The following SPIN1 variants were observed in gnomAD, a reference collection of about 807,000 sequenced individuals.
SPIN1 encodes the protein spindlin-1.
In SPIN1, 3 loss-of-function variants were observed where a neutral mutation model predicts 26.0. The ratio of observed to expected loss-of-function variants is 0.12; its 90% CI spans 0.05 to 0.30. The LOEUF is 0.30. SPIN1 is among the 10% of genes least tolerant of loss of function. The pLI, the probability that SPIN1 is intolerant of heterozygous loss-of-function variation, is 1.00. For missense variants in SPIN1, 126 were observed against 333.4 expected, an observed-to-expected ratio of 0.38 and a Z score of 4.84; for synonymous variants, 101 against 116.5, an observed-to-expected ratio of 0.87 and a Z score of 0.86.
chr9:88,410,810 C>T (rs1418861415), intron 1 of SPIN1: 13 of 954,216 alleles, frequency 1.4e-5, no homozygotes, highest in Admixed American at 5.1e-5. Context: ...CTGAAGTTTC[C>T]TCCACTACCA....
intron 3 of SPIN1, among the ~76,000 whole-genome samples, chr9:88,455,904 G>A (rs1434902883): frequency 2.0e-5 from 3 of 152,154 alleles, no homozygotes; most frequent in Admixed American, 1.3e-4. Flanking sequence ...GATTGCTTGA[G>A]CCCAGGAGTT....
At chr9:88,449,174 C>T (rs1828310022) in intron 3 of SPIN1, among the ~76,000 whole-genome samples, 185 bp downstream of exon 3, 1 of 151,836 alleles carries the variant, frequency 6.6e-6, no homozygotes, top group African/African-American at 2.4e-5. Context: ...CTTGGCCTGG[C>T]TGCAGTGTGC....
At chr9:88,398,149 G>T (rs563924158) in intron 1 of SPIN1, among the ~76,000 whole-genome samples, 1 of 151,204 alleles carries the variant, frequency 6.6e-6, no homozygotes, top group Admixed American at 6.6e-5. Flanking sequence ...CTGGTCTCGA[G>T]CTCCTGAACT....
chr9:88,426,426 C>A lies in SPIN1; in HGVS notation c.-114C>A. 1 of 753,908 alleles carries A rather than the reference C, an allele frequency of 1.3e-6. No homozygotes were observed. Among genetic ancestry groups the A allele is most frequent in the African/African-American group, 1.8e-5 (1 of 56,594 alleles). The allele number at this position is 753,908 out of a possible 1,614,324, so 46.7% of individuals were successfully genotyped here. A position where few individuals can be genotyped will look rare whatever the true frequency, so the allele number is the denominator to read the frequency against. The stretch of plus-strand genomic sequence containing the variant: ...ATTTTTGCTGAACTCGTAAAAGAGA[C>A]ACTTGGATGGTGGATTAACCAGAAC... On this transcript the variant is annotated 5_prime_UTR_variant, in exon 2 of 6. Transcript: ENST00000375859.
At chr9:88,440,358 C>T (rs1303131269) in intron 2 of SPIN1, among the ~76,000 whole-genome samples, 1 of 151,844 alleles carries the variant, frequency 6.6e-6, no homozygotes, top group Non-Finnish European at 1.5e-5. Context: ...AGAGTTTCAC[C>T]ATGTTACAAA....
intron 1 of SPIN1, among the ~76,000 whole-genome samples, chr9:88,389,655 T>G (rs1445724595): frequency 6.6e-6 from 1 of 151,290 alleles, no homozygotes; most frequent in East Asian, 1.9e-4. Context: ...AGGATTTCAC[T>G]CTACATGACT....
chr9:88,421,499 T>C (rs1484939016), intron 1 of SPIN1, among the ~76,000 whole-genome samples: 1 of 152,072 alleles, frequency 6.6e-6, no homozygotes, highest in Admixed American at 6.6e-5. Context: ...GATTGATCAC[T>C]TGAACTCCTG....
chr9:88,394,258 C>A (rs1459538919), intron 1 of SPIN1, among the ~76,000 whole-genome samples: 3 of 152,192 alleles, frequency 2.0e-5, no homozygotes, highest in East Asian at 1.9e-4. Context: ...GACACGTAAT[C>A]TCTGAAGCTT....
intron 3 of SPIN1, among the ~76,000 whole-genome samples, chr9:88,453,778 G>T (rs1828411131): frequency 6.6e-6 from 1 of 152,148 alleles, no homozygotes; most frequent in Non-Finnish European, 1.5e-5. Context: ...CATCCGCCTT[G>T]GCCTCTCAAA....
At chr9:88,443,569 G>A (rs1419115089) in intron 2 of SPIN1, among the ~76,000 whole-genome samples, 1 of 152,158 alleles carries the variant, frequency 6.6e-6, no homozygotes, top group Non-Finnish European at 1.5e-5. Context: ...GTTGAGTCTG[G>A]TTCTGATGCT....
At chr9:88,452,088 G>T (rs1475762757) in intron 3 of SPIN1, among the ~76,000 whole-genome samples, 2 of 152,264 alleles carry the variant, frequency 1.3e-5, no homozygotes, top group East Asian at 1.9e-4. Context: ...CTAAATAGAG[G>T]TATTTCCAGG....
At chr9:88,454,604 T>C (rs997742262) in intron 3 of SPIN1, among the ~76,000 whole-genome samples, 3 of 152,242 alleles carry the variant, frequency 2.0e-5, no homozygotes, top group Non-Finnish European at 4.4e-5. Context: ...ATTTTAAATA[T>C]ACATAAAAAT....
intron 1 of SPIN1, 41 bp from the exon 2 acceptor site, chr9:88,426,341 C>T: frequency 2.3e-6 from 1 of 437,102 alleles, no homozygotes; most frequent in East Asian, 3.8e-5. Context: ...TAATTTTGCT[C>T]TCTTGATGCT....
chr9:88,434,354 T>C (rs141627495), intron 2 of SPIN1, among the ~76,000 whole-genome samples: 14 of 104,770 alleles, frequency 1.3e-4, no homozygotes, highest in African/African-American at 3.5e-4. Context: ...GTTTATTTTA[T>C]AAATTATAAA....
intron 1 of SPIN1, among the ~76,000 whole-genome samples, chr9:88,401,413 C>T (rs2117906540): frequency 6.6e-6 from 1 of 152,136 alleles, no homozygotes; most frequent in Admixed American, 6.5e-5. Context: ...GTTCCAGGAC[C>T]CACACTCCGC....
At chr9:88,425,673 CAAAA>C (rs370111864) in intron 1 of SPIN1, among the ~76,000 whole-genome samples, 4 of 99,242 alleles carry the variant, frequency 4.0e-5, no homozygotes, top group Non-Finnish European at 4.3e-5. Flanking sequence ...GACTCTGTCT[CAAAA>C]AAAAAAAAAA....
chr9:88,400,728 C>G (rs1417176718), intron 1 of SPIN1, among the ~76,000 whole-genome samples: 1 of 152,122 alleles, frequency 6.6e-6, no homozygotes, highest in African/African-American at 2.4e-5. Flanking sequence ...TGCCTTAATC[C>G]CAGCTACTCG....
At chr9:88,401,868 A>G (rs1362915150) in intron 1 of SPIN1, among the ~76,000 whole-genome samples, 1 of 152,200 alleles carries the variant, frequency 6.6e-6, no homozygotes, top group East Asian at 1.9e-4. Flanking sequence ...ATTCCTAACA[A>G]TCTTTTCCTT....
chr9:88,392,832 C>T (rs1210888990), intron 1 of SPIN1, among the ~76,000 whole-genome samples: 1 of 152,176 alleles, frequency 6.6e-6, no homozygotes, highest in East Asian at 1.9e-4. Context: ...CCACTGCCTA[C>T]ACCACCTGTA....
Sources: allele counts gnomAD v4.1 joint callset (sites outside exome capture counted in the v4.1 genomes callset), GRCh38; gene constraint gnomAD v4.1.1; transcripts MANE v1.5; gene names NCBI Gene and HGNC (gene_info 2026-07-23, HGNC 2026-07-21).